The following ZNF618 variants were observed in gnomAD, a reference collection of about 807,000 sequenced individuals.
ZNF618 encodes zinc finger protein 618, also known as neural precursor cell expressed, developmentally down-regulated 10.
In ZNF618, 34 loss-of-function variants were observed where a neutral mutation model predicts 103.0. The observed-to-expected ratio is 0.33, with a 90% CI of 0.25 to 0.44. The LOEUF (loss-of-function observed/expected upper bound fraction) is 0.44. Among genes scored for constraint, ZNF618 ranks in the 20% least tolerant of loss-of-function variants. The pLI, the probability that ZNF618 is intolerant of heterozygous loss-of-function variation, is 1.00. For missense variants in ZNF618, 1,059 were observed against 1,295.4 expected (o/e 0.82, Z 2.80); for synonymous variants, 551 against 542.2 (o/e 1.02, Z -0.23).
At chr9:113,921,189 C>T (rs554498025) in intron 1 of ZNF618, among the ~76,000 whole-genome samples, 22 of 152,364 alleles carry the variant, frequency 1.4e-4, no homozygotes, top group African/African-American at 5.3e-4. Context: ...GGTCCTGTGT[C>T]TCCCACCTAA....
intron 10 of ZNF618, among the ~76,000 whole-genome samples, chr9:114,026,846 A>T (rs1397122190): frequency 6.6e-6 from 1 of 152,182 alleles, no homozygotes; most frequent in Non-Finnish European, 1.5e-5. Flanking sequence ...GGAGAGGGTC[A>T]TCCCAGTGTT....
At chr9:114,036,033 T>C (rs1489605655) in intron 12 of ZNF618, among the ~76,000 whole-genome samples, 1 of 152,212 alleles carries the variant, frequency 6.6e-6, no homozygotes, top group African/African-American at 2.4e-5. Context: ...CGCCGAACAG[T>C]GGCTGGCACG....
At chr9:113,915,457 G>C (rs1831981630) in intron 1 of ZNF618, among the ~76,000 whole-genome samples, 1 of 152,144 alleles carries the variant, frequency 6.6e-6, no homozygotes, top group South Asian at 2.1e-4. Context: ...GGCTTGAGGA[G>C]GGTCAGGGAC....
chr9:113,982,551 T>C (rs796230538), intron 2 of ZNF618, among the ~76,000 whole-genome samples: 11 of 152,326 alleles, frequency 7.2e-5, no homozygotes, highest in African/African-American at 2.6e-4. Flanking sequence ...TAATTACATC[T>C]GCAAAGACCC....
chr9:114,048,894 A>G lies in ZNF618; in HGVS notation c.1592A>G (p.Asn531Ser). The change falls in exon 15 of 15, where the codon AAC (asparagine) becomes AGC (serine). Residue 531 changes from asparagine to serine, a missense_variant. Coordinates refer to ENST00000374126, the MANE Select transcript of ZNF618 (RefSeq NM_001318042.2). Reference sequence around the variant, plus strand: ...CTGAAGCACCTGCCACGCATGTACAACCAGGTGAAGGTGAAAGTGACCTGT... The same window carrying G: ...CTGAAGCACCTGCCACGCATGTACAGCCAGGTGAAGGTGAAAGTGACCTGT... Reference protein sequence around the residue: ...LALKHLPRMYNQVKVKVTCAL... With the variant: ...LALKHLPRMYSQVKVKVTCAL... The G allele has an allele frequency of 1.2e-6, 2 of 1,609,130 alleles. No individual in the cohort carries two copies. Among genetic ancestry groups the G allele is most frequent in the Non-Finnish European group, 1.7e-6 (2 of 1,177,666 alleles).
chr9:114,015,587 T>G (rs766039378), intron 9 of ZNF618, among the ~76,000 whole-genome samples: 8 of 152,232 alleles, frequency 5.3e-5, no homozygotes, highest in Non-Finnish European at 1.0e-4. Context: ...TTCCCTCTCT[T>G]GAATTTTTCC....
At chr9:113,992,750 A>C (rs999416618) in intron 3 of ZNF618, among the ~76,000 whole-genome samples, 1 of 152,240 alleles carries the variant, frequency 6.6e-6, no homozygotes, top group East Asian at 1.9e-4. Flanking sequence ...CAGTGACACA[A>C]ACATCATCCA....
intron 3 of ZNF618, among the ~76,000 whole-genome samples, chr9:113,988,828 G>A (rs1839742645): frequency 6.6e-6 from 1 of 152,222 alleles, no homozygotes; most frequent in African/African-American, 2.4e-5. Flanking sequence ...CCCTGTTTAA[G>A]TCAAATGCCT....
chr9:114,017,069 C>T (rs915307810), intron 10 of ZNF618, among the ~76,000 whole-genome samples: 1 of 152,150 alleles, frequency 6.6e-6, no homozygotes, highest in African/African-American at 2.4e-5. Context: ...CATCACTTGT[C>T]CAAGTCCTGC....
intron 12 of ZNF618, 65 bp downstream of exon 12, chr9:114,032,793 A>T: frequency 7.1e-7 from 1 of 1,416,502 alleles, no homozygotes; most frequent in Non-Finnish European, 1.0e-6. Context: ...CCCCCCTGGC[A>T]GCCGCGGCAG....
intron 13 of ZNF618, among the ~76,000 whole-genome samples, chr9:114,041,295 G>C (rs1344070506): frequency 6.6e-5 from 10 of 152,120 alleles, no homozygotes; most frequent in Admixed American, 1.3e-4. Context: ...TCACTCTGAT[G>C]GTAGTTTCTT....
At chr9:114,048,159 A>G (rs1354932742) in intron 14 of ZNF618, among the ~76,000 whole-genome samples, 165 bp downstream of exon 14, 1 of 152,178 alleles carries the variant, frequency 6.6e-6, no homozygotes, top group African/African-American at 2.4e-5. Flanking sequence ...GGAGTTCTTA[A>G]CTCAGGGGAT....
At chr9:114,042,107 T>C (rs1173966723) in intron 13 of ZNF618, among the ~76,000 whole-genome samples, 3 of 152,162 alleles carry the variant, frequency 2.0e-5, no homozygotes, top group Admixed American at 2.0e-4. Context: ...AAATTGTGTT[T>C]CCCCTTTGTG....
chr9:113,896,249 A>G (rs1208729401), intron 1 of ZNF618, among the ~76,000 whole-genome samples: 1 of 152,042 alleles, frequency 6.6e-6, no homozygotes, highest in East Asian at 1.9e-4. Flanking sequence ...TTCTTGAGTG[A>G]AAGCTTGGCT....
At chr9:113,984,546 C>T (rs565772123) in intron 2 of ZNF618, among the ~76,000 whole-genome samples, 15 of 152,328 alleles carry the variant, frequency 9.8e-5, no homozygotes, top group African/African-American at 3.4e-4. Flanking sequence ...CCTTCCCCTA[C>T]CAGGATGCCA....
intron 1 of ZNF618, among the ~76,000 whole-genome samples, chr9:113,881,037 T>C (rs1212378188): frequency 6.6e-6 from 1 of 152,206 alleles, no homozygotes; most frequent in African/African-American, 2.4e-5. Flanking sequence ...CCCCAGCTTG[T>C]TGGCCTTGGA....
chr9:113,922,454 C>G (rs1206142286), intron 1 of ZNF618, among the ~76,000 whole-genome samples: 1 of 147,030 alleles, frequency 6.8e-6, no homozygotes, highest in Non-Finnish European at 1.5e-5. Context: ...AGGGGCAGGC[C>G]GGAGAGGGTT....
chr9:113,930,218 T>C (rs1462219507), intron 1 of ZNF618, among the ~76,000 whole-genome samples: 1 of 152,230 alleles, frequency 6.6e-6, no homozygotes, highest in African/African-American at 2.4e-5. Flanking sequence ...CTGAAATGTA[T>C]GTCAAGGTTA....
rs1846380199 is a variant in ZNF618, at chr9:114,055,023, G to T, written c.*4856G>T. The T allele has an allele frequency of 6.7e-6, 1 of 148,944 alleles. No homozygotes were observed. The highest frequency in any genetic ancestry group is 1.5e-5 in the Non-Finnish European group (1 of 67,798). The allele number at this position is 148,944 out of a possible 1,614,324, so 9.2% of individuals were successfully genotyped here. On this transcript the variant is annotated 3_prime_UTR_variant, in exon 15 of 15. Coordinates refer to ENST00000374126, the MANE Select transcript of ZNF618 (RefSeq NM_001318042.2). ...AAGGATTTGCTAGGTTTGCATTTGG[G>T]TGTTAGCATCACGACCCACGAGGGC...
Sources: gnomAD v4.1 joint callset for allele counts (sites outside exome capture counted in the v4.1 genomes callset) on GRCh38, gnomAD v4.1.1 for gene constraint, MANE v1.5 for transcripts, NCBI Gene and HGNC (gene_info 2026-07-23, HGNC 2026-07-21) for gene names.